RBPJ: variants seen among roughly 807,000 people sequenced by gnomAD.
RBPJ encodes the protein recombination signal binding protein for immunoglobulin kappa J region.
RBPJ carries 9 observed loss-of-function variants against 67.8 expected under a neutral mutation model. The ratio of observed to expected loss-of-function variants is 0.13; its 90% CI spans 0.08 to 0.23. The LOEUF (loss-of-function observed/expected upper bound fraction) is 0.23. RBPJ is among the 10% of genes least tolerant of loss of function. The pLI is 1.00. For synonymous variants in RBPJ, 198 were observed against 203.3 expected, an observed-to-expected ratio of 0.97 and a Z score of 0.22; for missense variants, 305 against 595.6, an observed-to-expected ratio of 0.51 and a Z score of 5.08.
intron 1 of RBPJ, among the ~76,000 whole-genome samples, chr4:26,369,163 T>C (rs1728913084): frequency 2.0e-5 from 3 of 152,210 alleles, no homozygotes; most frequent in Admixed American, 2.0e-4. Context: ...GCAGAACAGG[T>C]CATACTCTTA....
At chr4:26,193,722 G>A (rs910179032) in intron 1 of RBPJ, among the ~76,000 whole-genome samples, 1 of 152,170 alleles carries the variant, frequency 6.6e-6, no homozygotes, top group Non-Finnish European at 1.5e-5. Context: ...TCACACGGCA[G>A]CCAGAGGGAG....
intron 1 of RBPJ, among the ~76,000 whole-genome samples, chr4:26,363,607 T>A (rs1368182425): frequency 6.6e-6 from 1 of 151,994 alleles, no homozygotes; most frequent in Non-Finnish European, 1.5e-5. Context: ...CCCTGCTCAT[T>A]TTTGTATTTT....
chr4:26,416,885 T>A (rs563514038), intron 4 of RBPJ, among the ~76,000 whole-genome samples: 78 of 152,372 alleles, frequency 5.1e-4, no homozygotes, highest in African/African-American at 1.8e-3. Context: ...TATATCTTTA[T>A]AGTTTTTGTA....
chr4:26,280,446 C>T (rs1229275504), intron 1 of RBPJ, among the ~76,000 whole-genome samples: 1 of 148,172 alleles, frequency 6.7e-6, no homozygotes, highest in Non-Finnish European at 1.5e-5. Flanking sequence ...CATCCCTGGA[C>T]AATGGTGCTT....
In RBPJ at chr4:26,270,437, G is replaced by GAAAGAAAGAAAGA. The variant is rs757127437; in HGVS notation, c.-166-92007_-166-92006insAGAAAGAAAGAAA. Among the ~76,000 whole-genome samples, 36 of 30,248 alleles carry GAAAGAAAGAAAGA rather than the reference G, an allele frequency of 1.2e-3. 7 individuals carry two copies. Among genetic ancestry groups the GAAAGAAAGAAAGA allele is most frequent in the Admixed American group, 5.3e-3 (10 of 1,898 alleles). 19.8% of individuals were successfully genotyped at this position (30,248 alleles called of 152,430 possible). A position where few individuals can be genotyped will look rare whatever the true frequency, so the allele number is the denominator to read the frequency against. The stretch of plus-strand genomic sequence containing the variant: ...AGAAAGAAAGAAAGAAAGAAAGAAA[G>GAAAGAAAGAAAGA]AAGAAAGAAAGAAAGAAAGAAAAGA... On this transcript the variant is annotated intron_variant, in intron 1 of 4. Transcript: ENST00000512351.
intron 1 of RBPJ, among the ~76,000 whole-genome samples, chr4:26,303,440 G>GAAAAAAAAAAAAA (rs61104406): frequency 1.3e-5 from 1 of 75,744 alleles, no homozygotes; most frequent in African/African-American, 4.9e-5. Flanking sequence ...ACTCCAGTCT[G>GAAAAAAAAAAAAA]AAAAAAAAAA....
chr4:26,384,536 T>A (rs1348423205), intron 1 of RBPJ: 1 of 152,186 alleles, frequency 6.6e-6, no homozygotes, highest in Admixed American at 6.5e-5. Flanking sequence ...TAGTCTTGCT[T>A]CAAGGTCTTT....
intron 4 of RBPJ, among the ~76,000 whole-genome samples, chr4:26,416,545 T>G (rs1364876741): frequency 1.3e-5 from 2 of 152,230 alleles, no homozygotes; most frequent in Non-Finnish European, 2.9e-5. Context: ...ATACTTTTAG[T>G]ATTGAAAGAT....
At chr4:26,273,064 AC>A (rs1227878508) in intron 1 of RBPJ, among the ~76,000 whole-genome samples, 5 of 152,196 alleles carry the variant, frequency 3.3e-5, no homozygotes, top group Non-Finnish European at 5.9e-5. Flanking sequence ...GGAAGTTTCA[AC>A]CAACAAAATT....
chr4:26,420,903 C>G (rs1735068894), intron 5 of RBPJ, 178 bp downstream of exon 5: 1 of 551,556 alleles, frequency 1.8e-6, no homozygotes, highest in Non-Finnish European at 3.2e-6. Context: ...TCTAATGAAG[C>G]AGTTCTTAAC....
At chr4:26,247,082 T>C (rs1719954347) in intron 1 of RBPJ, among the ~76,000 whole-genome samples, 1 of 150,330 alleles carries the variant, frequency 6.7e-6, no homozygotes, top group Non-Finnish European at 1.5e-5. Context: ...AAGCAATTAA[T>C]ATACTATTTT....
chr4:26,274,476 T>A (rs1721015279), intron 1 of RBPJ, among the ~76,000 whole-genome samples: 1 of 151,902 alleles, frequency 6.6e-6, no homozygotes, highest in African/African-American at 2.4e-5. Context: ...TAAATTTTTT[T>A]AAAAATTAGC....
At chr4:26,179,809 A>G (rs1358734820) in intron 1 of RBPJ, among the ~76,000 whole-genome samples, 7 of 152,200 alleles carry the variant, frequency 4.6e-5, no homozygotes, top group Non-Finnish European at 1.0e-4. Flanking sequence ...CAGCAATACC[A>G]TTGCTGGGTA....
chr4:26,261,875 G>T (rs1720550567), intron 1 of RBPJ, among the ~76,000 whole-genome samples: 1 of 152,180 alleles, frequency 6.6e-6, no homozygotes, highest in Non-Finnish European at 1.5e-5. Flanking sequence ...ATTTATACCA[G>T]AACTTTTAAA....
intron 4 of RBPJ, among the ~76,000 whole-genome samples, chr4:26,416,352 C>T (rs1463050474): frequency 6.6e-6 from 1 of 152,132 alleles, no homozygotes; most frequent in Non-Finnish European, 1.5e-5. Context: ...CTCCACCTCA[C>T]AAGTAGCGGG....
intron 1 of RBPJ, among the ~76,000 whole-genome samples, chr4:26,191,208 T>TAGAG (rs1193671956): frequency 3.7e-3 from 102 of 27,250 alleles, no homozygotes; most frequent in Admixed American, 9.8e-3. Flanking sequence ...TATATATATA[T>TAGAG]ATAGAGAGAG....
the RBPJ span, among the ~76,000 whole-genome samples, chr4:26,123,959 T>C: frequency 6.6e-6 from 1 of 152,204 alleles, no homozygotes; most frequent in African/African-American, 2.4e-5. Flanking sequence ...GAATACATTC[T>C]AAAATAACAA....
intron 1 of RBPJ, among the ~76,000 whole-genome samples, chr4:26,310,794 C>T (rs949943364): frequency 3.3e-5 from 5 of 151,742 alleles, no homozygotes; most frequent in Non-Finnish European, 5.9e-5. Context: ...CTCAGCCTCC[C>T]GAGTAGCTGG....
intron 1 of RBPJ, among the ~76,000 whole-genome samples, chr4:26,248,714 A>T (rs1194453837): frequency 2.0e-5 from 3 of 152,194 alleles, no homozygotes; most frequent in Admixed American, 6.5e-5. Context: ...GGAATTTTTA[A>T]TTCCATAAAT....
Sources: gnomAD v4.1 joint callset for allele counts (sites outside exome capture counted in the v4.1 genomes callset) on GRCh38, gnomAD v4.1.1 for gene constraint, MANE v1.5 for transcripts, NCBI Gene and HGNC (gene_info 2026-07-23, HGNC 2026-07-21) for gene names.